MFAP5: variants seen among roughly 807,000 people sequenced by gnomAD.
The protein encoded by MFAP5 is microfibrillar-associated protein 5.
Under a neutral mutation model 30.1 loss-of-function variants are expected in MFAP5, and 19 were observed. That is an observed-to-expected ratio of 0.63 (90% CI 0.44 to 0.93). MFAP5 has a LOEUF of 0.93. Among genes scored for constraint, MFAP5 ranks in the 40% least tolerant of loss-of-function variants. The pLI, the probability that MFAP5 is intolerant of heterozygous loss-of-function variation, is 0.00. For synonymous variants in MFAP5, 92 were observed against 72.9 expected (o/e 1.26, Z -1.33); for missense variants, 210 against 221.3 (o/e 0.95, Z 0.32).
chr12:8,658,901 C>G (rs999639790), intron 3 of MFAP5, among the ~76,000 whole-genome samples: 1 of 151,706 alleles, frequency 6.6e-6, no homozygotes, highest in Admixed American at 6.6e-5. Flanking sequence ...GCCATCATAG[C>G]TCCTTTGCAG....
chr12:8,655,842 A>G lies in MFAP5; in HGVS notation c.95-12T>C. The G allele has an allele frequency of 1.2e-6, 2 of 1,608,274 alleles. No homozygotes were observed. The highest frequency in any genetic ancestry group is 1.3e-5 in the African/African-American group (1 of 74,956). ...TTGAGTCACATCGTCTGAAAAGAAA[A>G]TTAGAAAACAATTTCTGAGATTCTC... On this transcript the variant is annotated splice_polypyrimidine_tract_variant and intron_variant, in intron 3 of 9. Coordinates refer to ENST00000359478, the MANE Select transcript of MFAP5 (RefSeq NM_003480.4).
At chr12:8,660,401 G>A (rs1313916531) in intron 3 of MFAP5, among the ~76,000 whole-genome samples, 1 of 151,098 alleles carries the variant, frequency 6.6e-6, no homozygotes, top group Non-Finnish European at 1.5e-5. Flanking sequence ...TGCCCAGTTT[G>A]GTCTCAAACT....
chr12:8,661,590 A>G (rs1565529642), intron 2 of MFAP5, among the ~76,000 whole-genome samples: 1 of 148,158 alleles, frequency 6.7e-6, no homozygotes, highest in Non-Finnish European at 1.5e-5. Context: ...TCATCTCACT[A>G]TGTTGCCCAG....
At chr12:8,656,038 G>GTGATTTTGAT (rs1225636807) in intron 3 of MFAP5, among the ~76,000 whole-genome samples, 1 of 150,158 alleles carries the variant, frequency 6.7e-6, no homozygotes, top group Non-Finnish European at 1.5e-5. Context: ...CAAAGGCATT[G>GTGATTTTGAT]TGATTTTGAC....
chr12:8,651,012 C>A lies in MFAP5; in HGVS notation c.248-423G>T, dbSNP rs887441158. 7.2e-5 allele frequency among the ~76,000 whole-genome samples: 11 copies of A among 152,114 alleles called. 1 individual carries two copies. In the South Asian group the frequency reaches 1.5e-3, roughly 20 times the overall value. On this transcript the variant is annotated intron_variant, in intron 7 of 9. Transcript: ENST00000359478. ...TAAAACCCCGTCTCTACTGAAAATA[C>A]AAAAATTAGCCAGGAGTGGTGGCAG...
At chr12:8,661,560 T>A (rs1447812676) in intron 2 of MFAP5, among the ~76,000 whole-genome samples, 1 of 151,848 alleles carries the variant, frequency 6.6e-6, no homozygotes, top group Non-Finnish European at 1.5e-5. Flanking sequence ...CTTTTTTTTT[T>A]TAATGGAGAT....
chr12:8,652,645 T>C (rs142605844), intron 6 of MFAP5, among the ~76,000 whole-genome samples: 10 of 152,136 alleles, frequency 6.6e-5, no homozygotes, highest in African/African-American at 9.7e-5. Flanking sequence ...TGTTATGAGA[T>C]CTCATCTATC....
At chr12:8,653,080 T>C (rs1215140255) in intron 6 of MFAP5, among the ~76,000 whole-genome samples, 2 of 151,238 alleles carry the variant, frequency 1.3e-5, no homozygotes, top group African/African-American at 2.4e-5. Flanking sequence ...TAATCCCAGC[T>C]ACTTGGGAGG....
intron 3 of MFAP5, 138 bp from the exon 4 acceptor site, chr12:8,655,968 A>G (rs1461692511): frequency 1.4e-6 from 1 of 702,468 alleles, no homozygotes; most frequent in Non-Finnish European, 2.5e-6. Context: ...ACTGCTTACA[A>G]TAATGACAAA....
Position 8,660,247 on chromosome 12 carries a change from G to T in MFAP5, c.94+616C>A, listed in dbSNP as rs1215183562. ...TCTGTTGCCCAGGCTGGAGTGCAAT[G>T]GCATGATCATGGCTCACTGCAACCG... On this transcript the variant is annotated intron_variant, in intron 3 of 9. Coordinates refer to ENST00000359478, the MANE Select transcript of MFAP5 (RefSeq NM_003480.4). Among the ~76,000 whole-genome samples, 9 of 146,594 alleles carry T rather than the reference G, an allele frequency of 6.1e-5. No individual in the cohort carries two copies. The East Asian group carries it at 1.8e-3, about 29-fold the overall frequency.
intron 2 of MFAP5, 101 bp from the exon 3 acceptor site, chr12:8,660,999 T>C: frequency 9.9e-7 from 1 of 1,005,502 alleles, no homozygotes; most frequent in Non-Finnish European, 1.5e-6. Context: ...ATGGTTATAC[T>C]TTATCTTTGT....
intron 5 of MFAP5, among the ~76,000 whole-genome samples, chr12:8,654,813 C>T (rs542146827): frequency 2.9e-4 from 44 of 151,680 alleles, no homozygotes; most frequent in Admixed American, 8.6e-4. Flanking sequence ...TGGTGGCAGG[C>T]GCCTGTAATC....
At chr12:8,654,200 T>G (rs776197078) in intron 6 of MFAP5, 97 of 443,114 alleles carry the variant, frequency 2.2e-4, no homozygotes, top group African/African-American at 1.7e-3. Context: ...GTGTTTATAC[T>G]TTTATCTTGC....
intron 1 of MFAP5, chr12:8,662,392 C>A: frequency 2.9e-6 from 1 of 339,362 alleles, no homozygotes; most frequent in South Asian, 4.9e-5. Flanking sequence ...TTGGCCCTAC[C>A]CTTTGGCCTC....
At chr12:8,662,564 C>T in intron 1 of MFAP5, 63 bp downstream of exon 1, 1 of 183,848 alleles carries the variant, frequency 5.4e-6, no homozygotes, top group Non-Finnish European at 1.1e-5. Context: ...CCCTTTCACA[C>T]ACACACAGAC....
chr12:8,656,930 T>C (rs1942019099), intron 3 of MFAP5, among the ~76,000 whole-genome samples: 1 of 152,002 alleles, frequency 6.6e-6, no homozygotes, highest in African/African-American at 2.4e-5. Context: ...GGCCTCCCAG[T>C]GTGCTAGGAT....
At chr12:8,655,300 A>G in intron 5 of MFAP5, 115 bp downstream of exon 5, 1 of 1,062,660 alleles carries the variant, frequency 9.4e-7, no homozygotes, top group South Asian at 1.7e-5. Context: ...ACAAACAACA[A>G]TAACAAAAAA....
In MFAP5 at chr12:8,650,257, TG is replaced by T. The variant is rs769455300; in HGVS notation, c.335+244del. The T allele has an allele frequency of 7.6e-4, 374 of 491,452 alleles. 2 individuals are homozygous for T. Among genetic ancestry groups the T allele is most frequent in the Admixed American group, 4.2e-3 (130 of 30,948 alleles). The allele number at this position is 491,452 out of a possible 1,614,324, so 30.4% of individuals were successfully genotyped here. A position where few individuals can be genotyped will look rare whatever the true frequency, so the allele number is the denominator to read the frequency against. ...ATTGAGCATGCCAGTATTTCCCTCA[TG>T]ACCCTTCTTCCTCCAGCGCCCACCT... On this transcript the variant is annotated intron_variant, in intron 8 of 9. Coordinates refer to ENST00000359478, the MANE Select transcript of MFAP5 (RefSeq NM_003480.4).
intron 3 of MFAP5, among the ~76,000 whole-genome samples, chr12:8,656,925 C>T (rs1261223896): frequency 1.3e-5 from 2 of 152,042 alleles, no homozygotes; most frequent in Non-Finnish European, 2.9e-5. Context: ...GCCTAGGCCT[C>T]CCAGTGTGCT....
Sources: allele counts gnomAD v4.1 joint callset (sites outside exome capture counted in the v4.1 genomes callset), GRCh38; gene constraint gnomAD v4.1.1; transcripts MANE v1.5; gene names NCBI Gene and HGNC (gene_info 2026-07-23, HGNC 2026-07-21).